The following UNC13C variants were observed in gnomAD, a reference collection of about 807,000 sequenced individuals.
The protein encoded by UNC13C is unc-13 homolog C.
UNC13C carries 174 observed loss-of-function variants against 245.4 expected under a neutral mutation model. That is an observed-to-expected ratio of 0.71 (90% confidence interval 0.63 to 0.80). The LOEUF is 0.80. Ranked by LOEUF, UNC13C falls within the 30% of genes least tolerant of loss-of-function variation. The pLI, the probability that UNC13C is intolerant of heterozygous loss-of-function variation, is 0.00. For synonymous variants in UNC13C, 992 were observed against 895.1 expected, an observed-to-expected ratio of 1.11 and a Z score of -1.93; for missense variants, 2,829 against 2,602.9, an observed-to-expected ratio of 1.09 and a Z score of -1.89.
the UNC13C span, among the ~76,000 whole-genome samples, chr15:53,886,038 G>T: frequency 1.5e-4 from 23 of 152,322 alleles, no homozygotes; most frequent in South Asian, 3.9e-3. Context: ...CGAAGAGGAA[G>T]AGGCTGGAAT....
intron 2 of UNC13C, among the ~76,000 whole-genome samples, chr15:54,101,001 A>C (rs1350362815): frequency 1.3e-5 from 2 of 152,240 alleles, no homozygotes; most frequent in Non-Finnish European, 2.9e-5. Context: ...ATCCAGATCA[A>C]TACCTGTTGT....
intron 30 of UNC13C, among the ~76,000 whole-genome samples, chr15:54,586,292 C>T (rs1898487788): frequency 6.6e-6 from 1 of 152,174 alleles, no homozygotes. Context: ...TAACAAAATA[C>T]TACAGATTGG....
At chr15:54,325,074 A>G (rs1205576634) in intron 14 of UNC13C, among the ~76,000 whole-genome samples, 7 of 152,042 alleles carry the variant, frequency 4.6e-5, no homozygotes, top group African/African-American at 1.7e-4. Context: ...AAGATTGAAT[A>G]TCCCTGGCAT....
At chr15:54,463,235 A>T (rs62010143) in intron 19 of UNC13C, among the ~76,000 whole-genome samples, 89,678 of 111,836 alleles carry the variant, frequency 0.8, 35,745 homozygotes, top group Admixed American at 0.85. Context: ...ATCGGCTCTC[A>T]GTAAAATGGG....
At chr15:53,934,021 C>T in the UNC13C span, among the ~76,000 whole-genome samples, 1 of 152,170 alleles carries the variant, frequency 6.6e-6, no homozygotes. Flanking sequence ...TGCATGGCTT[C>T]TGGTGAGGCC....
At chr15:54,278,756 C>G (rs938408302) in intron 10 of UNC13C, among the ~76,000 whole-genome samples, 1 of 152,070 alleles carries the variant, frequency 6.6e-6, no homozygotes, top group East Asian at 1.9e-4. Flanking sequence ...CACAATCGAG[C>G]CATGTGAAAT....
chr15:54,171,149 A>C (rs571174370), intron 4 of UNC13C, among the ~76,000 whole-genome samples: 1 of 152,066 alleles, frequency 6.6e-6, no homozygotes, highest in South Asian at 2.1e-4. Context: ...GTCTCTCTAT[A>C]ATCAATCCCA....
rs115133035 is a variant in UNC13C, at chr15:54,504,942, G to T, written c.5302-2175G>T. 1.9e-3 allele frequency among the ~76,000 whole-genome samples: 284 copies of T among 152,276 alleles called. 1 individual carries two copies. The highest frequency in any genetic ancestry group is 6.5e-3 in the African/African-American group (272 of 41,556). On this transcript the variant is annotated intron_variant, in intron 22 of 32. Coordinates refer to ENST00000260323, the MANE Select transcript of UNC13C (RefSeq NM_001080534.3). ...CACTCAATGCTCCACCAGTACCTGT[G>T]TGTCAAATCAGAACTGATTGTAGCT...
intron 18 of UNC13C, among the ~76,000 whole-genome samples, chr15:54,404,661 A>G (rs1258823734): frequency 2.0e-5 from 3 of 152,172 alleles, no homozygotes; most frequent in African/African-American, 7.2e-5. Context: ...TATATGGTAC[A>G]TAGGAATATT....
chr15:54,329,416 A>G (rs992719413), intron 14 of UNC13C, among the ~76,000 whole-genome samples: 2 of 151,866 alleles, frequency 1.3e-5, no homozygotes, highest in Admixed American at 6.6e-5. Context: ...TATAGTATTT[A>G]TTATTATTTT....
At chr15:54,082,112 C>T (rs761826844) in intron 2 of UNC13C, among the ~76,000 whole-genome samples, 6 of 152,004 alleles carry the variant, frequency 3.9e-5, no homozygotes, top group Non-Finnish European at 7.4e-5. Flanking sequence ...AAAAGTAGGC[C>T]CCTAATTTCT....
At chr15:54,130,650 T>A (rs1304132693) in intron 2 of UNC13C, among the ~76,000 whole-genome samples, 1 of 152,174 alleles carries the variant, frequency 6.6e-6, no homozygotes, top group African/African-American at 2.4e-5. Context: ...CTGTTTGGTA[T>A]GAATTCTGAA....
chr15:54,223,839 T>C (rs771087486), intron 4 of UNC13C, among the ~76,000 whole-genome samples: 2 of 152,042 alleles, frequency 1.3e-5, no homozygotes, highest in Non-Finnish European at 2.9e-5. Flanking sequence ...GTTTTCATTA[T>C]AAAGATCTTT....
At chr15:54,150,643 G>A (rs1265334664) in intron 4 of UNC13C, among the ~76,000 whole-genome samples, 3 of 152,132 alleles carry the variant, frequency 2.0e-5, no homozygotes, top group African/African-American at 7.2e-5. Flanking sequence ...CTAGTCTCAG[G>A]AGCACTTGAT....
At chr15:53,866,598 C>T in the UNC13C span, among the ~76,000 whole-genome samples, 24,312 of 151,970 alleles carry the variant, frequency 0.16, 2,386 homozygotes, top group African/African-American at 0.27. Flanking sequence ...GTTCTTTCTC[C>T]CAGCTTGCCC....
chr15:54,431,848 T>C (rs2040879732), intron 19 of UNC13C, among the ~76,000 whole-genome samples: 1 of 151,600 alleles, frequency 6.6e-6, no homozygotes, highest in Non-Finnish European at 1.5e-5. Flanking sequence ...ATCACATTAA[T>C]CAATTTTTAC....
At chr15:54,296,144 C>G (rs2037422918) in intron 11 of UNC13C, among the ~76,000 whole-genome samples, 1 of 151,886 alleles carries the variant, frequency 6.6e-6, no homozygotes, top group South Asian at 2.1e-4. Flanking sequence ...GGTGTGTGAC[C>G]AAAAAAGACC....
chr15:54,322,330 A>G (rs942256932), intron 14 of UNC13C, among the ~76,000 whole-genome samples: 3 of 152,034 alleles, frequency 2.0e-5, no homozygotes, highest in Non-Finnish European at 4.4e-5. Flanking sequence ...TTTTTCAGTG[A>G]GGGAAAAACA....
chr15:54,465,597 G>A (rs1185374909), intron 19 of UNC13C, among the ~76,000 whole-genome samples: 1 of 151,994 alleles, frequency 6.6e-6, no homozygotes, highest in African/African-American at 2.4e-5. Flanking sequence ...CTATGGCTGA[G>A]GCTAGATAAA....
Sources: gnomAD v4.1 joint callset for allele counts (sites outside exome capture counted in the v4.1 genomes callset) on GRCh38, gnomAD v4.1.1 for gene constraint, MANE v1.5 for transcripts, NCBI Gene and HGNC (gene_info 2026-07-23, HGNC 2026-07-21) for gene names.